VAV2: variants seen among roughly 807,000 people sequenced by gnomAD.
VAV2 encodes the protein guanine nucleotide exchange factor VAV2.
A neutral mutation model predicts 132.5 loss-of-function variants in VAV2; 67 were observed. The ratio of observed to expected loss-of-function variants is 0.51; its 90% CI spans 0.42 to 0.62. The LOEUF (loss-of-function observed/expected upper bound fraction) is 0.62, where lower values mean the gene tolerates loss of function less well. Among genes scored for constraint, VAV2 ranks in the 20% least tolerant of loss-of-function variants. The pLI, the probability that VAV2 is intolerant of heterozygous loss-of-function variation, is 0.00. For synonymous variants in VAV2, 492 were observed against 443.5 expected (o/e 1.11, Z -1.37); for missense variants, 938 against 1,153.6 (o/e 0.81, Z 2.71).
chr9:133,774,854 C>A, intron 25 of VAV2, 81 bp downstream of exon 25: 1 of 1,280,806 alleles, frequency 7.8e-7, no homozygotes, highest in Non-Finnish European at 1.1e-6. Flanking sequence ...CCCACGAGCT[C>A]AGGACGTGGA....
intron 1 of VAV2, among the ~76,000 whole-genome samples, chr9:133,976,312 A>C (rs1159091016): frequency 6.6e-6 from 1 of 152,022 alleles, no homozygotes; most frequent in Non-Finnish European, 1.5e-5. Flanking sequence ...CTGATGGAGG[A>C]GGCGACAGTG....
chr9:133,984,903 A>C (rs1275499897), intron 1 of VAV2, among the ~76,000 whole-genome samples: 1 of 140,902 alleles, frequency 7.1e-6, no homozygotes, highest in Non-Finnish European at 1.5e-5. Context: ...GGGAGGCCCT[A>C]TCTCAAAAAA....
intron 2 of VAV2, among the ~76,000 whole-genome samples, chr9:133,929,566 G>C (rs1206329565): frequency 6.6e-6 from 1 of 152,120 alleles, no homozygotes; most frequent in Admixed American, 6.5e-5. Context: ...AAGAGGAGAG[G>C]AATAGAAGTG....
At chr9:133,914,991 C>T (rs866241427) in intron 2 of VAV2, among the ~76,000 whole-genome samples, 5 of 151,644 alleles carry the variant, frequency 3.3e-5, no homozygotes, top group Admixed American at 6.6e-5. Context: ...ACAGCTCGCA[C>T]GGGGGGAAGG....
At chr9:133,925,406 C>T (rs1319080962) in intron 2 of VAV2, among the ~76,000 whole-genome samples, 2 of 152,094 alleles carry the variant, frequency 1.3e-5, no homozygotes, top group South Asian at 2.1e-4. Context: ...TTAGTACAGA[C>T]GGGGTTTCAC....
Position 133,834,293 on chromosome 9 carries a change from C to T in VAV2, c.428G>A (p.Arg143His), listed in dbSNP as rs774257474. 7 of 1,612,286 alleles carry T rather than the reference C, an allele frequency of 4.3e-6. No homozygotes were observed. Among genetic ancestry groups the T allele is most frequent in the South Asian group, 1.1e-5 (1 of 90,592 alleles). ...TTACTCGGCCAGCTCCTCCAGGCTG[C>T]GGTAGACGTCATCGTCATTCTCTGT... ...ETTENDDDVY[R>H]SLEELADEHD... Residue 143 changes from arginine (R) to histidine (H), a missense_variant, in exon 4 of 30, where the codon CGC (arginine) becomes CAC (histidine). Coordinates refer to ENST00000371850, the MANE Select transcript of VAV2 (RefSeq NM_001134398.2). This position sits in a 1 kb window ranked among gnomAD's most constrained non-coding sequence, Gnocchi z 5.9.
intron 3 of VAV2, among the ~76,000 whole-genome samples, chr9:133,852,558 A>T (rs575935982): frequency 6.6e-6 from 1 of 152,122 alleles, no homozygotes; most frequent in Non-Finnish European, 1.5e-5. Context: ...TGGAGCAAAG[A>T]GAGAAACTCA....
chr9:133,841,458 G>C (rs1394254627), intron 3 of VAV2, among the ~76,000 whole-genome samples: 1 of 152,028 alleles, frequency 6.6e-6, no homozygotes, highest in African/African-American at 2.4e-5. Context: ...GTTTCCCTGG[G>C]GACAACCACC....
chr9:133,768,583 G>C lies in VAV2; in HGVS notation c.2448C>G (p.Arg816=), dbSNP rs143397192. 6.2e-7 allele frequency: 1 copy of C among 1,613,700 alleles called. No homozygotes were observed. The highest frequency in any genetic ancestry group is 2.2e-5 in the East Asian group (1 of 44,886). ...ACCTGGCCACAGCTGTGCCGATGAC[G>C]CGGGGCGTGAACACTGTTGAGGGAG... ...SAPFWSVFTP[R]VIGTAVARYN... is the part of the protein sequence containing the mutation. Residue 816 remains arginine (R), a synonymous_variant, in exon 29 of 30, where the codon CGC becomes CGG. Transcript: ENST00000371850. The surrounding 1 kb of genome is among the most constrained non-coding windows in gnomAD (Gnocchi z 5.3).
intron 2 of VAV2, among the ~76,000 whole-genome samples, chr9:133,934,641 T>C (rs995956731): frequency 6.6e-6 from 1 of 152,234 alleles, no homozygotes; most frequent in African/African-American, 2.4e-5. Context: ...TCTCCAAGAC[T>C]TGCCCCACAG....
At chr9:133,855,819 C>T (rs1837363001) in intron 3 of VAV2, among the ~76,000 whole-genome samples, 1 of 152,216 alleles carries the variant, frequency 6.6e-6, no homozygotes, top group African/African-American at 2.4e-5. Context: ...CCATTTCTCT[C>T]ACTCCAACCT....
chr9:133,950,926 C>T (rs943246251), intron 1 of VAV2, among the ~76,000 whole-genome samples: 3 of 152,178 alleles, frequency 2.0e-5, no homozygotes, highest in African/African-American at 7.2e-5. Context: ...CAACTCCAGA[C>T]GGACCCAAGC....
chr9:133,939,198 G>T lies in VAV2; in HGVS notation c.226C>A (p.Arg76Ser), dbSNP rs1235547692. ...MSQFLCLKNI[R>S]TFLKVCHDKF... Reference sequence around the variant, plus strand: ...TCGTGGCAGACTTTCAGGAAGGTGCGTATGTTCTTCAAACACAGAAACTAA... The same window carrying T: ...TCGTGGCAGACTTTCAGGAAGGTGCTTATGTTCTTCAAACACAGAAACTAA... The change falls in exon 2 of 30, where the codon CGC becomes AGC. Residue 76 changes from arginine to serine, a missense_variant. Coordinates refer to ENST00000371850, the MANE Select transcript of VAV2 (RefSeq NM_001134398.2). 1 of 1,614,116 alleles carries T rather than the reference G, an allele frequency of 6.2e-7. No individual in the cohort carries two copies. Among genetic ancestry groups the T allele is most frequent in the South Asian group, 1.1e-5 (1 of 91,096 alleles).
intron 2 of VAV2, among the ~76,000 whole-genome samples, chr9:133,914,009 T>C (rs750253764): frequency 6.6e-6 from 1 of 152,206 alleles, no homozygotes; most frequent in Non-Finnish European, 1.5e-5. Flanking sequence ...CCGCTGGCTA[T>C]GACTTAACAT....
chr9:133,780,574 A>T, intron 20 of VAV2, 120 bp downstream of exon 20: 1 of 1,222,050 alleles, frequency 8.2e-7, no homozygotes, highest in Non-Finnish European at 1.0e-6. Flanking sequence ...AAAGTGGCTC[A>T]TCCAAGCCGG....
At chr9:133,920,049 C>T (rs753683364) in intron 2 of VAV2, among the ~76,000 whole-genome samples, 1 of 152,182 alleles carries the variant, frequency 6.6e-6, no homozygotes, top group Non-Finnish European at 1.5e-5. Flanking sequence ...GGACCCCATC[C>T]TCCAGCTGCA....
At chr9:133,887,415 T>A (rs1288322692) in intron 2 of VAV2, among the ~76,000 whole-genome samples, 1 of 152,064 alleles carries the variant, frequency 6.6e-6, no homozygotes, top group Non-Finnish European at 1.5e-5. Context: ...CCCCAGGGAA[T>A]TCACAGGGCC....
In VAV2 at chr9:133,833,626, C is replaced by T. The variant is rs538483332; in HGVS notation, c.449+646G>A. ...CCCCTTCCTCCTACCCTCCTACCTCCCTCCTCCTGGAGCGGGCCACGTGAT... is the reference window on the plus strand; with the variant it reads ...CCCCTTCCTCCTACCCTCCTACCTCTCTCCTCCTGGAGCGGGCCACGTGAT... On this transcript the variant is annotated intron_variant, in intron 4 of 29. Transcript: ENST00000371850. This position sits in a 1 kb window ranked among gnomAD's most constrained non-coding sequence, Gnocchi z 5.6. Among the ~76,000 whole-genome samples, 80 of 152,298 alleles carry T rather than the reference C, an allele frequency of 5.3e-4. No homozygotes were observed. The highest frequency in any genetic ancestry group is 1.8e-3 in the African/African-American group (76 of 41,558).
At chr9:133,941,746 G>A (rs1319359077) in intron 1 of VAV2, among the ~76,000 whole-genome samples, 2 of 152,090 alleles carry the variant, frequency 1.3e-5, no homozygotes, top group African/African-American at 4.8e-5. Context: ...TGGGATTACA[G>A]GCACGCACCA....
Sources: gnomAD v4.1 joint callset for allele counts (sites outside exome capture counted in the v4.1 genomes callset) on GRCh38, gnomAD v4.1.1 for gene constraint, Gnocchi (gnomAD v3.1) non-coding constraint, MANE v1.5 for transcripts, NCBI Gene and HGNC (gene_info 2026-07-23, HGNC 2026-07-21) for gene names.